XIRP2: variants seen among roughly 807,000 people sequenced by gnomAD.
XIRP2 encodes xin actin binding repeat containing 2, also known as xin actin-binding repeat-containing protein 2.
Under a neutral mutation model 277.0 loss-of-function variants are expected in XIRP2, and 236 were observed. The ratio of observed to expected loss-of-function variants is 0.85; its 90% confidence interval spans 0.77 to 0.95. The LOEUF (loss-of-function observed/expected upper bound fraction) is 0.95. XIRP2 is among the 40% of genes least tolerant of loss of function. The pLI is 0.00. For missense variants in XIRP2, 4,640 were observed against 4,157.5 expected, an observed-to-expected ratio of 1.12 and a Z score of -3.19; for synonymous variants, 1,490 against 1,416.5, an observed-to-expected ratio of 1.05 and a Z score of -1.17.
intron 2 of XIRP2, among the ~76,000 whole-genome samples, chr2:167,077,259 T>A (rs1409921346): frequency 6.6e-6 from 1 of 152,202 alleles, no homozygotes; most frequent in Non-Finnish European, 1.5e-5. Context: ...GTGAGCTTTG[T>A]CAGATTACAT....
intron 2 of XIRP2, among the ~76,000 whole-genome samples, chr2:166,987,318 A>G (rs1160984724): frequency 6.6e-6 from 1 of 152,160 alleles, no homozygotes; most frequent in Non-Finnish European, 1.5e-5. Context: ...AAAGTCCCAA[A>G]ATAGACTGAT....
intron 2 of XIRP2, among the ~76,000 whole-genome samples, chr2:167,011,584 C>G (rs898377876): frequency 7.9e-5 from 12 of 152,052 alleles, no homozygotes; most frequent in Non-Finnish European, 1.8e-4. Flanking sequence ...ATGCTGGCCT[C>G]ATAACATGAG....
rs750981904 is a variant in XIRP2 at position 167,248,299 on chromosome 2, T to A, written c.6907T>A (p.Ser2303Thr). Residue 2303 changes from serine to threonine, a missense_variant, in exon 9 of 11, where the codon TCA (serine) becomes ACA (threonine). Physicochemically the swap from Ser to Thr is moderately conservative, Grantham distance 58 (BLOSUM62 1). Transcript: ENST00000409195. ...ACCTCCTCCACCACCTTCTAATGCA[T>A]CATCTGAAATTGAATTTCCTCTTCC... ...SPPPPPPSNA[S>T]SEIEFPLPPP... is the part of the protein sequence containing the mutation. The A allele has an allele frequency of 6.2e-7, 1 of 1,613,666 alleles. No individual in the cohort carries two copies. Among genetic ancestry groups the A allele is most frequent in the Admixed American group, 1.7e-5 (1 of 59,970 alleles).
chr2:167,202,673 T>G (rs1340055179), intron 3 of XIRP2, among the ~76,000 whole-genome samples: 1 of 152,210 alleles, frequency 6.6e-6, no homozygotes, highest in Non-Finnish European at 1.5e-5. Context: ...TGTAGCAATT[T>G]GTGACTTGGA....
intron 2 of XIRP2, among the ~76,000 whole-genome samples, chr2:166,995,673 A>G (rs1340550930): frequency 1.3e-5 from 2 of 152,230 alleles, no homozygotes; most frequent in African/African-American, 2.4e-5. Context: ...AACAATTGCT[A>G]TATAACACTT....
At chr2:167,155,471 T>C (rs542661730) in intron 3 of XIRP2, among the ~76,000 whole-genome samples, 1 of 151,974 alleles carries the variant, frequency 6.6e-6, no homozygotes, top group South Asian at 2.1e-4. Context: ...TAATCCAGCA[T>C]ATAAACAGAA....
At chr2:167,132,652 C>T (rs1399144326) in intron 2 of XIRP2, among the ~76,000 whole-genome samples, 1 of 152,158 alleles carries the variant, frequency 6.6e-6, no homozygotes, top group African/African-American at 2.4e-5. Context: ...CCATCCAGCA[C>T]CACGTGTTTC....
chr2:166,954,429 T>C (rs115169385), intron 2 of XIRP2, among the ~76,000 whole-genome samples: 3,610 of 151,732 alleles, frequency 0.024, 56 homozygotes, highest in Non-Finnish European at 0.036. Context: ...CAGATGCTGG[T>C]GAGGTTGTGG....
chr2:166,924,200 A>C (rs1161248787), intron 2 of XIRP2, among the ~76,000 whole-genome samples: 1 of 152,066 alleles, frequency 6.6e-6, no homozygotes, highest in Non-Finnish European at 1.5e-5. Context: ...ACTATAACAG[A>C]GACAGAAAAC....
At chr2:167,240,865 G>A in intron 7 of XIRP2, 129 bp downstream of exon 7, 1 of 760,936 alleles carries the variant, frequency 1.3e-6, no homozygotes, top group Non-Finnish European at 2.2e-6. Flanking sequence ...ATGGTTCCAG[G>A]GAGAGCTGAG....
chr2:167,240,066 A>G (rs1450019884), intron 6 of XIRP2, 101 bp downstream of exon 6: 23 of 982,674 alleles, frequency 2.3e-5, no homozygotes. Flanking sequence ...TCATGTATCT[A>G]GTATCAATAC....
chr2:167,081,387 G>A (rs1003206623), intron 2 of XIRP2, among the ~76,000 whole-genome samples: 3 of 152,150 alleles, frequency 2.0e-5, no homozygotes, highest in African/African-American at 7.2e-5. Context: ...AGGATTACCT[G>A]AATCCAGGAG....
intron 2 of XIRP2, among the ~76,000 whole-genome samples, chr2:167,061,469 G>T (rs536170460): frequency 6.6e-6 from 1 of 152,122 alleles, no homozygotes; most frequent in South Asian, 2.1e-4. Flanking sequence ...ACCATTAGTG[G>T]TAAGTTTTTG....
chr2:167,099,418 C>T (rs1444551250), intron 2 of XIRP2, among the ~76,000 whole-genome samples: 2 of 152,164 alleles, frequency 1.3e-5, no homozygotes, highest in Non-Finnish European at 2.9e-5. Flanking sequence ...GCGAGAATTT[C>T]AAGACAGTGC....
chr2:167,219,276 C>T (rs992685150), intron 5 of XIRP2, among the ~76,000 whole-genome samples: 4 of 151,928 alleles, frequency 2.6e-5, no homozygotes, highest in Non-Finnish European at 5.9e-5. Flanking sequence ...TTAATATTAC[C>T]TAAAGGAAAC....
intron 2 of XIRP2, among the ~76,000 whole-genome samples, chr2:166,938,898 A>G (rs1028188305): frequency 1.5e-4 from 23 of 152,138 alleles, no homozygotes; most frequent in African/African-American, 3.6e-4. Flanking sequence ...TGTTTTATCC[A>G]AGACTAGGAT....
At position 167,095,785 on chromosome 2, in the gene XIRP2, T is replaced by G. The variant is rs1051567207; in HGVS notation, c.409-40124T>G. The stretch of plus-strand genomic sequence containing the variant: ...TGGCCTGAAATTTCCTTTTTTGTTG[T>G]GTCTCTGCTAGGTTTTTCTTTCAGG... On this transcript the variant is annotated intron_variant, in intron 2 of 10. Coordinates refer to ENST00000409195, the MANE Select transcript of XIRP2 (RefSeq NM_152381.6). 4.0e-5 allele frequency among the ~76,000 whole-genome samples: 6 copies of G among 150,536 alleles called. No individual in the cohort carries two copies. The South Asian group carries it at 1.1e-3, about 27-fold the overall frequency.
chr2:167,153,760 A>G (rs1242277171), intron 3 of XIRP2, among the ~76,000 whole-genome samples: 2 of 151,500 alleles, frequency 1.3e-5, no homozygotes, highest in Admixed American at 1.3e-4. Flanking sequence ...ATGGCTGCAT[A>G]GTATTCCATG....
At chr2:167,199,393 C>T (rs1040095510) in intron 3 of XIRP2, among the ~76,000 whole-genome samples, 2 of 152,226 alleles carry the variant, frequency 1.3e-5, no homozygotes, top group South Asian at 2.1e-4. Context: ...ATTACCTTGG[C>T]GTATTTTTTG....
Sources: gnomAD v4.1 joint callset for allele counts (sites outside exome capture counted in the v4.1 genomes callset) on GRCh38, gnomAD v4.1.1 for gene constraint, MANE v1.5 for transcripts, NCBI Gene and HGNC (gene_info 2026-07-23, HGNC 2026-07-21) for gene names.